Variants in FAM20C observed in about 807,000 individuals in gnomAD.
The protein encoded by FAM20C is FAM20C golgi associated secretory pathway kinase, also known as extracellular serine/threonine protein kinase FAM20C.
Under a neutral mutation model 51.5 loss-of-function variants are expected in FAM20C, and 40 were observed. That is an observed-to-expected ratio of 0.78 (90% confidence interval 0.60 to 1.01). FAM20C has a LOEUF of 1.01. Among genes scored for constraint, FAM20C ranks in the 50% least tolerant of loss-of-function variants. The pLI is 0.00. For missense variants in FAM20C, 861 were observed against 844.7 expected (o/e 1.02, Z -0.24); for synonymous variants, 406 against 380.6 (o/e 1.07, Z -0.78).
chr7:254,788 G>A (rs565448367), intron 5 of FAM20C, among the ~76,000 whole-genome samples: 17 of 152,274 alleles, frequency 1.1e-4, no homozygotes, highest in Non-Finnish European at 1.8e-4. Context: ...GACGAGCAGC[G>A]TCCCACCCCC....
Position 193,383 on chromosome 7 carries a change from C to G in FAM20C, c.184C>G (p.Gln62Glu), listed in dbSNP as rs911141652. The change falls in exon 1 of 10, where the codon CAG becomes GAG. Residue 62 changes from glutamine to glutamate, a missense_variant. This residue lies in a region of FAM20C where 561 missense variants were observed against 499.8 expected (regional missense o/e 1.12). Coordinates refer to ENST00000313766, the MANE Select transcript of FAM20C (RefSeq NM_020223.4). ...CGAGGTGGCCGCGCCCGGCTGGGCC[C>G]AGGTTCGGGGCCGCCCCGGGGAGCC... ...AAEVAAPGWA[Q>E]VRGRPGEPPA... The G allele has an allele frequency of 4.5e-6, 6 of 1,342,314 alleles. No homozygotes were observed. The African/African-American group carries it at 9.2e-5, about 21-fold the overall frequency. 83.2% of individuals were successfully genotyped at this position (1,342,314 alleles called of 1,614,324 possible). A position where few individuals can be genotyped will look rare whatever the true frequency, so the allele number is the denominator to read the frequency against.
chr7:200,874 C>T (rs1191233216), intron 2 of FAM20C, among the ~76,000 whole-genome samples: 19 of 152,170 alleles, frequency 1.2e-4, no homozygotes. Flanking sequence ...AGCCCCTTAC[C>T]TCGCAGTAGG....
At chr7:241,375 C>T (rs1344755287) in intron 3 of FAM20C, among the ~76,000 whole-genome samples, 3 of 152,086 alleles carry the variant, frequency 2.0e-5, no homozygotes, top group African/African-American at 4.8e-5. Flanking sequence ...GCAAGTCGTT[C>T]GTCTTCTGCG....
At chr7:210,185 C>G (rs1562371394) in intron 3 of FAM20C, among the ~76,000 whole-genome samples, 1 of 152,230 alleles carries the variant, frequency 6.6e-6, no homozygotes, top group African/African-American at 2.4e-5. Context: ...CGCACGGGAG[C>G]TGATCCGCTG....
At chr7:217,280 G>A (rs1787027737) in intron 3 of FAM20C, among the ~76,000 whole-genome samples, 1 of 130,796 alleles carries the variant, frequency 7.6e-6, no homozygotes, top group African/African-American at 3.0e-5. Context: ...CAGTGGGGGT[G>A]TTATTGGGGT....
Position 222,249 on chromosome 7 carries a change from G to A in FAM20C, c.863+13273G>A, listed in dbSNP as rs371148338. 4.6e-5 allele frequency among the ~76,000 whole-genome samples: 7 copies of A among 152,162 alleles called. No individual in the cohort carries two copies. The East Asian group carries it at 5.8e-4, about 13-fold the overall frequency. On this transcript the variant is annotated intron_variant, in intron 3 of 9. Coordinates refer to ENST00000313766, the MANE Select transcript of FAM20C (RefSeq NM_020223.4). ...AGAAAGCTTCTCAGTGGGTGTTATG[G>A]GTCAGTGGAGAGTGAGCGCCCTGTG...
At chr7:198,350 C>T (rs73251064) in intron 2 of FAM20C, among the ~76,000 whole-genome samples, 7,763 of 152,234 alleles carry the variant, frequency 0.051, 217 homozygotes, top group Middle Eastern at 0.13. Context: ...GGTTTCTCAC[C>T]GAGAACACAG....
chr7:251,225 ACGGCGGCTCACGCCTGCACTGAGTGGCC>A (rs2115159318), intron 5 of FAM20C, among the ~76,000 whole-genome samples: 1 of 148,466 alleles, frequency 6.7e-6, no homozygotes, highest in East Asian at 2.0e-4. Context: ...GTGGCCGGGC[ACGGCGGCTCACGCCTGCACTGAGTGGCC>A]GGGCACGGTG....
rs765546593 is a variant in FAM20C, at chr7:257,066, C to G, written c.1425C>G (p.Ile475Met). The G allele has an allele frequency of 4.9e-5, 76 of 1,536,984 alleles. No homozygotes were observed. The highest frequency in any genetic ancestry group is 6.3e-5 in the Non-Finnish European group (72 of 1,146,890). ...AGTTTGGGAATGAAACGTTCATCAT[C>G]CACTTAGACAATGGAAGAGGGTGAG... The part of the protein sequence containing the change: ...FEKFGNETFI[I>M]HLDNGRGFGK... Residue 475 changes from isoleucine to methionine, a missense_variant, in exon 8 of 10, where the codon ATC (isoleucine) becomes ATG (methionine). Around this residue, in one of 3 missense-constraint regions of FAM20C, gnomAD observed 269 missense variants for 283.8 expected, o/e 0.95. Coordinates refer to ENST00000313766, the MANE Select transcript of FAM20C (RefSeq NM_020223.4).
intron 3 of FAM20C, among the ~76,000 whole-genome samples, chr7:218,571 G>A (rs916576157): frequency 6.6e-6 from 1 of 152,116 alleles, no homozygotes; most frequent in Non-Finnish European, 1.5e-5. Context: ...AAGTGTGTGG[G>A]CATCGTTGTG....
intron 3 of FAM20C, among the ~76,000 whole-genome samples, chr7:216,612 TGTGTGTATGAGTGTGTGTGA>T (rs1210626478): frequency 0.042 from 5,375 of 127,412 alleles, 179 homozygotes; most frequent in African/African-American, 0.12. Context: ...TTTCTGTGTG[TGTGTGTATGAGTGTGTGTGA>T]GTGTGTGTGA....
At position 256,989 on chromosome 7, in the gene FAM20C, C is replaced by G; in HGVS notation, c.1364-16C>G. The G allele has an allele frequency of 6.5e-7, 1 of 1,536,964 alleles. No homozygotes were observed. Among genetic ancestry groups the G allele is most frequent in the Non-Finnish European group, 8.7e-7 (1 of 1,146,816 alleles). On this transcript the variant is annotated splice_polypyrimidine_tract_variant and intron_variant, in intron 7 of 9. Coordinates refer to ENST00000313766, the MANE Select transcript of FAM20C (RefSeq NM_020223.4). ...GGCTCCCCACGAGCTGTGACACTTTCTGCCTCTCTCCGCAGGAAACATGGA... is the reference window on the plus strand; with the variant it reads ...GGCTCCCCACGAGCTGTGACACTTTGTGCCTCTCTCCGCAGGAAACATGGA...
chr7:205,741 G>T (rs1411490869), intron 2 of FAM20C, among the ~76,000 whole-genome samples: 1 of 152,138 alleles, frequency 6.6e-6, no homozygotes, highest in African/African-American at 2.4e-5. Context: ...CCTGTGGATG[G>T]TGGGGACTCT....
chr7:195,363 A>G (rs1215959296), intron 1 of FAM20C, 191 bp from the exon 2 acceptor site: 1 of 456,898 alleles, frequency 2.2e-6, no homozygotes, highest in Non-Finnish European at 3.8e-6. Context: ...CCGTGTTATT[A>G]GTTGGCAGCC....
intron 2 of FAM20C, among the ~76,000 whole-genome samples, chr7:207,090 G>C (rs1786446516): frequency 3.2e-5 from 1 of 31,690 alleles, no homozygotes. Context: ...TGACGCGTCG[G>C]TCACTGTCCC....
Position 260,240 on chromosome 7 carries a change from T to C in FAM20C, c.*260T>C. On this transcript the variant is annotated 3_prime_UTR_variant, in exon 10 of 10. Transcript: ENST00000313766. The stretch of plus-strand genomic sequence containing the variant: ...GGCGCCGGAGGCATTCCATCCTTTC[T>C]GTAGGGAAAGGAGCCTTTATTTACT... The C allele has an allele frequency of 4.6e-6, 2 of 436,568 alleles. No individual in the cohort carries two copies. The highest frequency in any genetic ancestry group is 5.8e-4 in the Middle Eastern group (1 of 1,710). 27.0% of individuals were successfully genotyped at this position (436,568 alleles called of 1,614,324 possible).
chr7:258,648 T>G lies in FAM20C; in HGVS notation c.1448T>G (p.Phe483Cys). Residue 483 changes from phenylalanine (F) to cysteine (C), a missense_variant and splice_region_variant, in exon 9 of 10, where the codon TTT becomes TGT. Physicochemically the swap from Phe to Cys is radical, Grantham distance 205. This residue lies in a region of FAM20C where 269 missense variants were observed against 283.8 expected (regional missense o/e 0.95). Coordinates refer to ENST00000313766, the MANE Select transcript of FAM20C (RefSeq NM_020223.4). ...FIIHLDNGRG[F>C]GKYSHDELSI... ...CAATTCTGCTTTTCTTCTGGAAGGT[T>G]TGGGAAGTATTCGCACGACGAGCTC... 2 of 1,536,736 alleles carry G rather than the reference T, an allele frequency of 1.3e-6. No homozygotes were observed. The highest frequency in any genetic ancestry group is 1.7e-6 in the Non-Finnish European group (2 of 1,146,548).
chr7:230,060 G>A (rs954435730), intron 3 of FAM20C, among the ~76,000 whole-genome samples: 1 of 152,138 alleles, frequency 6.6e-6, no homozygotes, highest in Non-Finnish European at 1.5e-5. Flanking sequence ...CTCGGGCCCC[G>A]GCCGTGGAAC....
In FAM20C at chr7:203,516, G is replaced by A. The variant is rs151235787; in HGVS notation, c.785-5382G>A. On this transcript the variant is annotated intron_variant, in intron 2 of 9. Coordinates refer to ENST00000313766, the MANE Select transcript of FAM20C (RefSeq NM_020223.4). ...CCATCCCGATGAGCACCGAAGGCCTGAGACGCAGGGCAGCTTGTGTGTCGG... is the reference window on the plus strand; with the variant it reads ...CCATCCCGATGAGCACCGAAGGCCTAAGACGCAGGGCAGCTTGTGTGTCGG... 5.1e-3 allele frequency among the ~76,000 whole-genome samples: 782 copies of A among 152,350 alleles called. 5 individuals are homozygous for A. Among genetic ancestry groups the A allele is most frequent in the African/African-American group, 0.018 (746 of 41,584 alleles).
Sources: allele counts gnomAD v4.1 joint callset (sites outside exome capture counted in the v4.1 genomes callset), GRCh38; gene constraint gnomAD v4.1.1; regional missense constraint gnomAD v4.1.1; transcripts MANE v1.5; gene names NCBI Gene and HGNC (gene_info 2026-07-23, HGNC 2026-07-21).